LENG8: variants seen among roughly 807,000 people sequenced by gnomAD.
LENG8 encodes leukocyte receptor cluster member 8, also known as leukocyte receptor cluster (LRC) member 8.
In LENG8, 28 loss-of-function variants were observed where a neutral mutation model predicts 102.1. That is an observed-to-expected ratio of 0.27 (90% CI 0.20 to 0.38). The LOEUF (loss-of-function observed/expected upper bound fraction) is 0.38. Among genes scored for constraint, LENG8 ranks in the 10% least tolerant of loss-of-function variants. The probability of loss-of-function intolerance (pLI) is 1.00; values close to 1 mark genes in which losing one functional copy is unlikely to be tolerated. For synonymous variants in LENG8, 531 were observed against 456.7 expected, an observed-to-expected ratio of 1.16 and a Z score of -2.07; for missense variants, 1,022 against 1,113.9, an observed-to-expected ratio of 0.92 and a Z score of 1.17.
rs970762295 is a variant in LENG8 at position 54,456,992 on chromosome 19, G to A, written c.1731+71G>A. Reference sequence around the variant, plus strand: ...TCAGGACTTGGGGAGCCAACCCAGGGAGGGTGGCAGAGGCCACACGGGGGC... The same window carrying A: ...TCAGGACTTGGGGAGCCAACCCAGGAAGGGTGGCAGAGGCCACACGGGGGC... On this transcript the variant is annotated intron_variant, in intron 11 of 15. Transcript: ENST00000326764. The A allele has an allele frequency of 3.4e-6, 5 of 1,457,572 alleles. No individual in the cohort carries two copies. The East Asian group carries it at 1.2e-4, about 36-fold the overall frequency. 90.3% of individuals were successfully genotyped at this position (1,457,572 alleles called of 1,614,324 possible).
chr19:54,457,041 GC>G, intron 11 of LENG8, 120 bp downstream of exon 11: 2 of 1,123,860 alleles, frequency 1.8e-6, no homozygotes, highest in African/African-American at 1.6e-5. Context: ...GGGAAGCTCG[GC>G]CAGAGACGCC....
chr19:54,455,629 G>A, intron 8 of LENG8, 62 bp downstream of exon 8: 1 of 1,444,938 alleles, frequency 6.9e-7, no homozygotes, highest in Non-Finnish European at 9.4e-7. Context: ...GGCTGGGTAT[G>A]GAGGTAGGAG....
chr19:54,455,825 C>T, intron 8 of LENG8, 142 bp from the exon 9 acceptor site: 1 of 937,856 alleles, frequency 1.1e-6, no homozygotes, highest in Non-Finnish European at 1.6e-6. Flanking sequence ...GTTCGCGTCT[C>T]ATTTCTGCAC....
chr19:54,453,155 C>T (rs757724249), intron 4 of LENG8, among the ~76,000 whole-genome samples: 7 of 152,140 alleles, frequency 4.6e-5, no homozygotes, highest in Admixed American at 6.5e-5. Flanking sequence ...ATTCCTGCCT[C>T]GCAGCCTGTC....
intron 1 of LENG8, among the ~76,000 whole-genome samples, chr19:54,450,453 C>T (rs532844784): frequency 3.0e-4 from 45 of 152,216 alleles, no homozygotes; most frequent in Non-Finnish European, 5.6e-4. Flanking sequence ...TTCTTCTCTT[C>T]TCCAATATTC....
At chr19:54,459,844 G>C (rs2084440372) in intron 15 of LENG8, 1 of 1,160,426 alleles carries the variant, frequency 8.6e-7, no homozygotes, top group East Asian at 6.3e-5. Flanking sequence ...AGAAGGAAGG[G>C]GAGGCAGGAG....
At chr19:54,452,524 A>G (rs1236199869) in intron 3 of LENG8, 127 bp from the exon 4 acceptor site, 1 of 805,564 alleles carries the variant, frequency 1.2e-6, no homozygotes, top group Non-Finnish European at 2.1e-6. Flanking sequence ...ACAGTGGCTC[A>G]CTTTGCAGAT....
rs907448174 is a variant in LENG8, at chr19:54,456,456, G to A, written c.1436G>A (p.Arg479His). Reference protein sequence around the residue: ...HMDRGRGRAQRGKRHDLAPTK... With the variant: ...HMDRGRGRAQHGKRHDLAPTK... ...GATCGGGGCCGAGGCAGGGCGCAGC[G>A]TGGGAAGAGGTGAGACTGTGTGAGG... is the stretch of plus-strand genomic sequence containing the variant. Residue 479 changes from arginine to histidine, a missense_variant, in exon 10 of 16, where the codon CGT becomes CAT. Coordinates refer to ENST00000326764, the MANE Select transcript of LENG8 (RefSeq NM_052925.4). 7.5e-6 allele frequency: 12 copies of A among 1,604,476 alleles called. No individual in the cohort carries two copies. Among genetic ancestry groups the A allele is most frequent in the South Asian group, 1.1e-5 (1 of 90,822 alleles).
chr19:54,457,740 T>C lies in LENG8; in HGVS notation c.1732-7T>C, dbSNP rs1357010815. 8 of 1,608,718 alleles carry C rather than the reference T, an allele frequency of 5.0e-6. No homozygotes were observed. The highest frequency in any genetic ancestry group is 1.3e-5 in the African/African-American group (1 of 74,824). ...ACTCCGAGTGTGAATTCAGTTCCCTTTTTCAGGTTTTGAAAAAGTCGCTGT... is the reference window on the plus strand; with the variant it reads ...ACTCCGAGTGTGAATTCAGTTCCCTCTTTCAGGTTTTGAAAAAGTCGCTGT... On this transcript the variant is annotated splice_polypyrimidine_tract_variant and splice_region_variant and intron_variant, in intron 11 of 15. Transcript: ENST00000326764.
At chr19:54,450,853 C>T (rs1683836399) in intron 1 of LENG8, among the ~76,000 whole-genome samples, 1 of 152,304 alleles carries the variant, frequency 6.6e-6, no homozygotes, top group Non-Finnish European at 1.5e-5. Flanking sequence ...CTCCCGACCT[C>T]AGGTGACCTG....
At position 54,458,148 on chromosome 19, in the gene LENG8, C is replaced by T; in HGVS notation, c.1948C>T (p.Leu650=). 1 of 1,614,118 alleles carries T rather than the reference C, an allele frequency of 6.2e-7. No homozygotes were observed. The highest frequency in any genetic ancestry group is 1.1e-5 in the South Asian group (1 of 91,090). ...CCAGTGCCAGACGCAGCTCAAGTCGCTGTACGCCGAGAACTTGCCTGGCAA... is the reference window on the plus strand; with the variant it reads ...CCAGTGCCAGACGCAGCTCAAGTCGTTGTACGCCGAGAACTTGCCTGGCAA... The part of the protein sequence containing the change: ...FNQCQTQLKS[L]YAENLPGNVG... Residue 650 remains leucine, a synonymous_variant, in exon 14 of 16, where the codon CTG becomes TTG. Coordinates refer to ENST00000326764, the MANE Select transcript of LENG8 (RefSeq NM_052925.4).
At chr19:54,455,184 T>C in intron 7 of LENG8, 92 bp downstream of exon 7, 1 of 1,567,098 alleles carries the variant, frequency 6.4e-7, no homozygotes, top group South Asian at 1.1e-5. Context: ...ACCCTGAGCC[T>C]CAGTGTGCGC....
At chr19:54,454,893 TG>T (rs1428851990) in intron 6 of LENG8, 57 bp from the exon 7 acceptor site, 2 of 1,608,366 alleles carry the variant, frequency 1.2e-6, no homozygotes, top group Non-Finnish European at 8.5e-7. Flanking sequence ...TCCCGTCCCC[TG>T]GGGACCCCTG....
In LENG8 at chr19:54,451,358, T is replaced by C. The variant is rs1387270665; in HGVS notation, c.14T>C (p.Val5Ala). 1.2e-6 allele frequency: 2 copies of C among 1,614,044 alleles called. No homozygotes were observed. Among genetic ancestry groups the C allele is most frequent in the Non-Finnish European group, 1.7e-6 (2 of 1,180,040 alleles). The change falls in exon 2 of 16, where the codon GTG becomes GCG. Residue 5 changes from valine to alanine, a missense_variant. Val to Ala is a moderately conservative substitution (Grantham distance 64). Around this residue, in one of 7 missense-constraint regions of LENG8, gnomAD observed 37 missense variants for 46.3 expected, o/e 0.80. Coordinates refer to ENST00000326764, the MANE Select transcript of LENG8 (RefSeq NM_052925.4). ...CCCAAGGTCCAGATGGCGGCCAACG[T>C]GGGTGATCAACGTAGCACAGATTGG... MAAN[V>A]GDQRSTDWSS...
chr19:54,452,794 T>C, intron 4 of LENG8, 42 bp downstream of exon 4: 2 of 1,452,488 alleles, frequency 1.4e-6, no homozygotes, highest in Non-Finnish European at 1.9e-6. Context: ...CGAGGTGGAG[T>C]CTGCTGGGTC....
Position 54,452,735 on chromosome 19 carries a change from A to G in LENG8, c.298A>G (p.Ser100Gly). The G allele has an allele frequency of 6.2e-7, 1 of 1,612,918 alleles. No homozygotes were observed. Among genetic ancestry groups the G allele is most frequent in the South Asian group, 1.1e-5 (1 of 91,054 alleles). The part of the protein sequence containing the change: ...YQQYNYAYPY[S>G]YYYPMSMYQS... Reference sequence around the variant, plus strand: ...GCAGTACAACTATGCCTACCCCTACAGCTACTACTATCCCATGGTGAGTGC... The same window carrying G: ...GCAGTACAACTATGCCTACCCCTACGGCTACTACTATCCCATGGTGAGTGC... The change falls in exon 4 of 16, where the codon AGC (serine) becomes GGC (glycine). Residue 100 changes from serine (S) to glycine (G), a missense_variant. Physicochemically the swap from Ser to Gly is moderately conservative, Grantham distance 56 (BLOSUM62 0). This residue lies in a region of LENG8 where 343 missense variants were observed against 320.2 expected (regional missense o/e 1.07). Transcript: ENST00000326764.
rs375654287 is a variant in LENG8, at chr19:54,453,653, C to T, written c.423C>T (p.Asn141=). The change falls in exon 5 of 16, where the codon AAC becomes AAT. Residue 141 remains asparagine (N), a synonymous_variant. Coordinates refer to ENST00000326764, the MANE Select transcript of LENG8 (RefSeq NM_052925.4). ...PSAPQHQGTL[N]QPPVPGMDES... is the part of the protein sequence containing the mutation. ...CACCCCAACACCAAGGGACTCTGAA[C>T]CAGGTAACATCCTAGCCCAGCTCCC... The T allele has an allele frequency of 1.9e-6, 3 of 1,611,016 alleles. No individual in the cohort carries two copies. In the East Asian group the frequency reaches 6.7e-5, roughly 36 times the overall value.
chr19:54,460,212 T>C, intron 15 of LENG8: 1 of 1,289,428 alleles, frequency 7.8e-7, no homozygotes, highest in East Asian at 5.6e-5. Flanking sequence ...AGGGTAGGGC[T>C]GCACCCTGTG....
chr19:54,457,592 C>T (rs549521552), intron 11 of LENG8, among the ~76,000 whole-genome samples, 155 bp from the exon 12 acceptor site: 22 of 152,142 alleles, frequency 1.4e-4, no homozygotes, highest in Non-Finnish European at 2.5e-4. Flanking sequence ...CCACACACCT[C>T]GGCCTCCCAA....
Sources: gnomAD v4.1 joint callset for allele counts (sites outside exome capture counted in the v4.1 genomes callset) on GRCh38, gnomAD v4.1.1 for gene constraint, gnomAD v4.1.1 regional missense constraint, MANE v1.5 for transcripts, NCBI Gene and HGNC (gene_info 2026-07-23, HGNC 2026-07-21) for gene names.